The following PLXNA2 variants were observed in gnomAD, a reference collection of about 807,000 sequenced individuals.
PLXNA2 encodes the protein plexin A2, also known as plexin-A2.
A neutral mutation model predicts 193.5 loss-of-function variants in PLXNA2; 91 were observed. The ratio of observed to expected loss-of-function variants is 0.47; its 90% CI spans 0.40 to 0.56. The LOEUF is 0.56. PLXNA2 is among the 20% of genes least tolerant of loss of function. PLXNA2 has a pLI of 0.00. For synonymous variants in PLXNA2, 997 were observed against 1,027.3 expected (o/e 0.97, Z 0.56); for missense variants, 1,995 against 2,503.2 (o/e 0.80, Z 4.33).
intron 2 of PLXNA2, among the ~76,000 whole-genome samples, chr1:208,210,730 G>C (rs73079948): frequency 2.0e-5 from 3 of 152,146 alleles, no homozygotes; most frequent in South Asian, 4.1e-4. Context: ...TCTGCCAGGA[G>C]AACCAGGATC....
At chr1:208,111,559 G>T (rs899256889) in intron 4 of PLXNA2, among the ~76,000 whole-genome samples, 1 of 152,092 alleles carries the variant, frequency 6.6e-6, no homozygotes, top group African/African-American at 2.4e-5. Context: ...GGGCACTCCG[G>T]TTATGCCTCA....
chr1:208,182,275 A>G (rs569048287), intron 3 of PLXNA2, among the ~76,000 whole-genome samples: 1 of 152,176 alleles, frequency 6.6e-6, no homozygotes, highest in South Asian at 2.1e-4. Context: ...TCTACTAAAC[A>G]TACAAAAATT....
At chr1:208,120,702 G>A (rs535661637) in intron 4 of PLXNA2, among the ~76,000 whole-genome samples, 133 of 152,310 alleles carry the variant, frequency 8.7e-4, no homozygotes, top group African/African-American at 3.0e-3. Flanking sequence ...GAAGTCCCTA[G>A]GGAAGTAGGG....
At position 208,038,091 on chromosome 1, in the gene PLXNA2, T is replaced by G. The variant is rs1473965465; in HGVS notation, c.4764+280A>C. Reference sequence around the variant, plus strand: ...TGTTGTTGTTGTTTTGTTTTGTTTTTTTGCAAATGTAGAGGTACACAGAAT... The same window carrying G: ...TGTTGTTGTTGTTTTGTTTTGTTTTGTTGCAAATGTAGAGGTACACAGAAT... On this transcript the variant is annotated intron_variant, in intron 26 of 31. Coordinates refer to ENST00000367033, the MANE Select transcript of PLXNA2 (RefSeq NM_025179.4). The surrounding 1 kb of genome is among the most constrained non-coding windows in gnomAD (Gnocchi z 4.1). Among the ~76,000 whole-genome samples, 1 of 152,194 alleles carries G rather than the reference T, an allele frequency of 6.6e-6. No individual in the cohort carries two copies. Among genetic ancestry groups the G allele is most frequent in the Non-Finnish European group, 1.5e-5 (1 of 68,040 alleles).
chr1:208,186,904 G>A (rs545695948), intron 3 of PLXNA2, among the ~76,000 whole-genome samples: 1 of 150,264 alleles, frequency 6.7e-6, no homozygotes, highest in Non-Finnish European at 1.5e-5. Flanking sequence ...TGTATTTTTA[G>A]TAGAGACGGG....
intron 3 of PLXNA2, among the ~76,000 whole-genome samples, chr1:208,188,576 G>C (rs2102560079): frequency 6.6e-6 from 1 of 152,216 alleles, no homozygotes; most frequent in African/African-American, 2.4e-5. Context: ...GGGCATGGTG[G>C]TGGTTGCCTG....
chr1:208,123,171 A>G (rs186869062), intron 4 of PLXNA2, among the ~76,000 whole-genome samples: 1 of 152,334 alleles, frequency 6.6e-6, no homozygotes, highest in Admixed American at 6.5e-5. Context: ...GGAATCATAC[A>G]GTACGTGATC....
At chr1:208,180,510 C>T (rs6673048) in intron 3 of PLXNA2, among the ~76,000 whole-genome samples, 54,856 of 151,908 alleles carry the variant, frequency 0.36, 10,114 homozygotes, top group Middle Eastern at 0.41. Context: ...AGAGAAGAAA[C>T]CTGGGAAACA....
intron 2 of PLXNA2, among the ~76,000 whole-genome samples, chr1:208,212,723 A>G (rs1470040485): frequency 1.3e-5 from 2 of 152,206 alleles, no homozygotes; most frequent in African/African-American, 4.8e-5. Flanking sequence ...GGAGCCAACC[A>G]CGGGAATTCT....
chr1:208,112,688 G>C (rs560245681), intron 4 of PLXNA2, among the ~76,000 whole-genome samples: 1 of 152,224 alleles, frequency 6.6e-6, no homozygotes, highest in South Asian at 2.1e-4. Flanking sequence ...TATGACATGG[G>C]GAGAATTATG....
chr1:208,068,818 T>G (rs778189353), intron 12 of PLXNA2, among the ~76,000 whole-genome samples: 1 of 152,266 alleles, frequency 6.6e-6, no homozygotes, highest in Non-Finnish European at 1.5e-5. Flanking sequence ...TTCATTCAGC[T>G]GTTCCCTCCT....
chr1:208,096,873 A>C lies in PLXNA2; in HGVS notation c.1742T>G (p.Val581Gly), dbSNP rs1205205513. Residue 581 changes from valine to glycine, a missense_variant, in exon 7 of 32, where the codon GTA becomes GGA. Physicochemically the swap from Val to Gly is moderately radical, Grantham distance 109. Transcript: ENST00000367033. Reference sequence around the variant, plus strand: ...AGATAGATCAGGAGCATCACTCACTACCAGGCTAAGCTGTGGGAGGAGCAA... The same window carrying C: ...AGATAGATCAGGAGCATCACTCACTCCCAGGCTAAGCTGTGGGAGGAGCAA... Reference protein sequence around the residue: ...VSEHSRLLSLVVSDAPDLSAG... With the variant: ...VSEHSRLLSLGVSDAPDLSAG... 6.2e-7 allele frequency: 1 copy of C among 1,613,598 alleles called. No individual in the cohort carries two copies. The highest frequency in any genetic ancestry group is 1.1e-5 in the South Asian group (1 of 91,030).
chr1:208,096,151 G>T, intron 7 of PLXNA2, 26 bp from the exon 8 acceptor site: 1 of 1,586,702 alleles, frequency 6.3e-7, no homozygotes. Context: ...AAAAAGGATG[G>T]GGTTGGGTAA....
At chr1:208,103,762 A>T (rs141537957) in intron 4 of PLXNA2, among the ~76,000 whole-genome samples, 17 of 152,368 alleles carry the variant, frequency 1.1e-4, no homozygotes, top group Non-Finnish European at 2.1e-4. Context: ...CAATTATCCC[A>T]TTCTCTGATG....
intron 24 of PLXNA2, 38 bp from the exon 25 acceptor site, chr1:208,039,022 TGAA>T: frequency 6.3e-7 from 1 of 1,593,974 alleles, no homozygotes. Flanking sequence ...GGACAGGAGT[TGAA>T]GGAGTAGTTT....
intron 4 of PLXNA2, among the ~76,000 whole-genome samples, chr1:208,141,209 G>A (rs1169061392): frequency 6.6e-6 from 1 of 152,196 alleles, no homozygotes; most frequent in Non-Finnish European, 1.5e-5. Flanking sequence ...CTGCATCACT[G>A]CTTCCCTTAA....
chr1:208,142,227 C>A lies in PLXNA2; in HGVS notation c.1506+102G>T, dbSNP rs529129438. On this transcript the variant is annotated intron_variant, in intron 4 of 31. Coordinates refer to ENST00000367033, the MANE Select transcript of PLXNA2 (RefSeq NM_025179.4). Reference sequence around the variant, plus strand: ...CTCTCAAGACCCCTGTGCTGCAAGCCCAGAGGTCTCTCTTCTTGGACTGAA... The same window carrying A: ...CTCTCAAGACCCCTGTGCTGCAAGCACAGAGGTCTCTCTTCTTGGACTGAA... 816 of 1,295,472 alleles carry A rather than the reference C, an allele frequency of 6.3e-4. 16 individuals carry two copies. The South Asian group carries it at 0.012, about 19-fold the overall frequency. 80.2% of individuals were successfully genotyped at this position (1,295,472 alleles called of 1,614,324 possible).
chr1:208,171,027 G>A (rs776368430), intron 3 of PLXNA2, among the ~76,000 whole-genome samples: 1 of 152,164 alleles, frequency 6.6e-6, no homozygotes, highest in Non-Finnish European at 1.5e-5. Flanking sequence ...CTTCCTGGAG[G>A]GGGTATTATT....
chr1:208,030,461 A>T (rs1463225382), intron 29 of PLXNA2: 11 of 985,212 alleles, frequency 1.1e-5, no homozygotes, highest in Non-Finnish European at 1.3e-5. Context: ...TGTCCAGGGA[A>T]TGCAGATGGA....
Sources: allele counts gnomAD v4.1 joint callset (sites outside exome capture counted in the v4.1 genomes callset), GRCh38; gene constraint gnomAD v4.1.1; non-coding constraint Gnocchi (gnomAD v3.1); transcripts MANE v1.5; gene names NCBI Gene and HGNC (gene_info 2026-07-23, HGNC 2026-07-21).